Variants in NSUN5 observed in about 807,000 individuals in gnomAD.
NSUN5 encodes NOP2/Sun RNA methyltransferase 5.
Under a neutral mutation model 51.1 loss-of-function variants are expected in NSUN5, and 39 were observed. That is an observed-to-expected ratio of 0.76 (90% CI 0.59 to 1.00). NSUN5 has a LOEUF of 1.00. NSUN5 is among the 50% of genes least tolerant of loss of function. The pLI is 0.00. For synonymous variants in NSUN5, 266 were observed against 271.5 expected, an observed-to-expected ratio of 0.98 and a Z score of 0.20; for missense variants, 526 against 614.0, an observed-to-expected ratio of 0.86 and a Z score of 1.51.
At chr7:73,308,065 G>A in intron 2 of NSUN5, 1 of 463,294 alleles carries the variant, frequency 2.2e-6, no homozygotes, top group South Asian at 3.3e-5. Flanking sequence ...ATGGGGTCTA[G>A]CTCTGTCGCC....
intron 4 of NSUN5, among the ~76,000 whole-genome samples, chr7:73,306,822 A>G (rs1804059122): frequency 6.6e-6 from 1 of 152,130 alleles, no homozygotes. Flanking sequence ...CAGTGAGCCA[A>G]GATCATGCCA....
rs182950408 is a variant in NSUN5 at position 73,304,070 on chromosome 7, A to G, written c.935-34T>C. 5.6e-6 allele frequency: 9 copies of G among 1,607,370 alleles called. No individual in the cohort carries two copies. The East Asian group carries it at 1.6e-4, about 28-fold the overall frequency. Reference sequence around the variant, plus strand: ...AAGAGTGTCTCTGTTACATAGCTTCACAGGCTACCTCAGTCCTGAAATCCT... The same window carrying G: ...AAGAGTGTCTCTGTTACATAGCTTCGCAGGCTACCTCAGTCCTGAAATCCT... On this transcript the variant is annotated intron_variant, in intron 7 of 9. Coordinates refer to ENST00000438747, the MANE Select transcript of NSUN5 (RefSeq NM_148956.4).
Position 73,303,376 on chromosome 7 carries a change from T to C in NSUN5, c.*39A>G, listed in dbSNP as rs1803878545. 1.9e-6 allele frequency: 3 copies of C among 1,613,942 alleles called. No homozygotes were observed. The highest frequency in any genetic ancestry group is 2.5e-6 in the Non-Finnish European group (3 of 1,179,928). On this transcript the variant is annotated 3_prime_UTR_variant, in exon 10 of 10. Transcript: ENST00000438747. The stretch of plus-strand genomic sequence containing the variant: ...GTCCTCCACGGAGAGGACAGGCATC[T>C]TCCTTTCCCACCAGGAAGGAGTCAG...
Position 73,303,517 on chromosome 7 carries a change from C to T in NSUN5, c.1299G>A (p.Gln433=), listed in dbSNP as rs781857820. ...ERVEVPSSAS[Q]AKASAPERTP... ...TGCGTTCTGGTGCTGATGCTTTGGCCTGTGAGGCTGAGCTAGAGAAGTGTA... is the reference window on the plus strand; with the variant it reads ...TGCGTTCTGGTGCTGATGCTTTGGCTTGTGAGGCTGAGCTAGAGAAGTGTA... Residue 433 remains glutamine (Q), a synonymous_variant, in exon 10 of 10, where the codon CAG becomes CAA. Coordinates refer to ENST00000438747, the MANE Select transcript of NSUN5 (RefSeq NM_148956.4). 2.5e-6 allele frequency: 4 copies of T among 1,614,198 alleles called. No individual in the cohort carries two copies. Among genetic ancestry groups the T allele is most frequent in the South Asian group, 2.2e-5 (2 of 91,080 alleles).
rs782698448 is a variant in NSUN5 at position 73,308,722 on chromosome 7, C to A, written c.69G>T (p.Gly23=). The A allele has an allele frequency of 6.2e-7, 1 of 1,611,754 alleles. No individual in the cohort carries two copies. The highest frequency in any genetic ancestry group is 1.7e-5 in the Admixed American group (1 of 59,996). ...CCTGGAAGTTGCTGGAGTACACCAACCCCTTGATAGAGCCCTGGCGGCTCT... is the reference window on the plus strand; with the variant it reads ...CCTGGAAGTTGCTGGAGTACACCAAACCCTTGATAGAGCCCTGGCGGCTCT... ...GVESRQGSIK[G]LVYSSNFQNV... Residue 23 remains glycine (G), a synonymous_variant, in exon 1 of 10, where the codon GGG becomes GGT. Coordinates refer to ENST00000438747, the MANE Select transcript of NSUN5 (RefSeq NM_148956.4).
intron 4 of NSUN5, among the ~76,000 whole-genome samples, chr7:73,306,385 C>CA (rs36038371): frequency 0.016 from 406 of 26,050 alleles, 96 homozygotes; most frequent in African/African-American, 0.051. Flanking sequence ...ACCCTTGTCT[C>CA]AAAAAAAAAA....
intron 4 of NSUN5, among the ~76,000 whole-genome samples, chr7:73,305,802 T>C (rs1202290957): frequency 6.6e-6 from 1 of 152,144 alleles, no homozygotes; most frequent in Non-Finnish European, 1.5e-5. Flanking sequence ...TCTGTCAAAG[T>C]GGCAGAGCTG....
intron 2 of NSUN5, 167 bp downstream of exon 2, chr7:73,308,258 CAAAGTT>C (rs1247945270): frequency 5.4e-5 from 45 of 836,978 alleles, no homozygotes; most frequent in Middle Eastern, 4.0e-4. Context: ...TCAAAACACT[CAAAGTT>C]AAAGCATTTT....
chr7:73,306,260 T>C (rs546064084), intron 4 of NSUN5, among the ~76,000 whole-genome samples: 1 of 151,714 alleles, frequency 6.6e-6, no homozygotes, highest in Non-Finnish European at 1.5e-5. Context: ...GCTGCATCCC[T>C]GTAATCCCAG....
Position 73,307,518 on chromosome 7 carries a change from T to C in NSUN5, c.392-16A>G, listed in dbSNP as rs3765186. 2,097 of 1,613,948 alleles carry C rather than the reference T, an allele frequency of 1.3e-3. 19 individuals carry two copies. Among genetic ancestry groups the C allele is most frequent in the East Asian group, 0.013 (565 of 44,870 alleles). On this transcript the variant is annotated splice_polypyrimidine_tract_variant and intron_variant, in intron 3 of 9. Coordinates refer to ENST00000438747, the MANE Select transcript of NSUN5 (RefSeq NM_148956.4). ...AGCTGGGAGGCTACGTAGGACGCAA[T>C]GAGCAGTGAGTAGGCAGGAGCAAAG... is the stretch of plus-strand genomic sequence containing the variant.
At chr7:73,308,590 C>T (rs1554542326) in intron 1 of NSUN5, 37 bp from the exon 2 acceptor site, 5 of 1,588,934 alleles carry the variant, frequency 3.1e-6, no homozygotes, top group Non-Finnish European at 4.3e-6. Flanking sequence ...GTGGGGGCTC[C>T]CCCGGCCCTC....
intron 4 of NSUN5, among the ~76,000 whole-genome samples, chr7:73,306,216 C>T (rs1804032989): frequency 6.6e-6 from 1 of 151,464 alleles, no homozygotes; most frequent in South Asian, 2.1e-4. Flanking sequence ...GAAACCCCGT[C>T]TCTACTAAAA....
At chr7:73,308,583 G>A (rs781957758) in intron 1 of NSUN5, 30 bp from the exon 2 acceptor site, 5 of 1,592,148 alleles carry the variant, frequency 3.1e-6, no homozygotes, top group Non-Finnish European at 4.3e-6. Flanking sequence ...AAGCTGGGTG[G>A]GGGCTCCCCC....
At chr7:73,304,057 G>C (rs367945643) in intron 7 of NSUN5, 21 bp from the exon 8 acceptor site, 27 of 1,611,350 alleles carry the variant, frequency 1.7e-5, no homozygotes, top group Non-Finnish European at 2.2e-5. Flanking sequence ...GAGTGTCTCT[G>C]TTACATAGCT....
chr7:73,304,929 A>G (rs781939970), intron 5 of NSUN5, 30 bp downstream of exon 5: 2 of 1,612,202 alleles, frequency 1.2e-6, no homozygotes, highest in Non-Finnish European at 1.7e-6. Flanking sequence ...GTGCCTACAC[A>G]TTCTTCCCTT....
At chr7:73,303,566 C>A (rs1803889428) in intron 9 of NSUN5, 34 bp downstream of exon 9, 2 of 1,613,856 alleles carry the variant, frequency 1.2e-6, no homozygotes, top group Non-Finnish European at 1.7e-6. Flanking sequence ...CCGGTGCCAT[C>A]CTGCGCCTCC....
intron 4 of NSUN5, 130 bp downstream of exon 4, chr7:73,307,264 G>A (rs367989937): frequency 5.9e-5 from 39 of 666,508 alleles, no homozygotes; most frequent in Middle Eastern, 6.3e-4. Context: ...GACAAACCTT[G>A]GAGATGGATA....
At position 73,308,777 on chromosome 7, in the gene NSUN5, G is replaced by A. The variant is rs1441572048; in HGVS notation, c.14C>T (p.Ala5Val). Reference sequence around the variant, plus strand: ...GCCGGCCAACACGCCTGCAGCTGCAGCATACAGCCCCATGTTCCCGCGCGC... The same window carrying A: ...GCCGGCCAACACGCCTGCAGCTGCAACATACAGCCCCATGTTCCCGCGCGC... Reference protein sequence around the residue: MGLYAAAAGVLAGVE... With the variant: MGLYVAAAGVLAGVE... Residue 5 changes from alanine to valine, a missense_variant, in exon 1 of 10, where the codon GCT becomes GTT. By Grantham distance (64) the Ala-to-Val change is moderately conservative. Coordinates refer to ENST00000438747, the MANE Select transcript of NSUN5 (RefSeq NM_148956.4). 1.2e-6 allele frequency: 2 copies of A among 1,613,056 alleles called. No individual in the cohort carries two copies. The highest frequency in any genetic ancestry group is 1.7e-6 in the Non-Finnish European group (2 of 1,179,862).
At position 73,304,751 on chromosome 7, in the gene NSUN5, G is replaced by C; in HGVS notation, c.751C>G (p.Gln251Glu). The C allele has an allele frequency of 6.2e-7, 1 of 1,606,852 alleles. No homozygotes were observed. Among genetic ancestry groups the C allele is most frequent in the Non-Finnish European group, 8.5e-7 (1 of 1,173,526 alleles). Residue 251 changes from glutamine (Q) to glutamate (E), a missense_variant, in exon 6 of 10, where the codon CAA becomes GAA. Gln to Glu is a conservative substitution (Grantham distance 29). Coordinates refer to ENST00000438747, the MANE Select transcript of NSUN5 (RefSeq NM_148956.4). ...TSHLAALLKN[Q>E]GKIFAFDLDA... ...TCCTCCTCCTGTGGCACTCACCCTTGGTTCTTCAGAAGAGCAGCCAAGTGA... is the reference window on the plus strand; with the variant it reads ...TCCTCCTCCTGTGGCACTCACCCTTCGTTCTTCAGAAGAGCAGCCAAGTGA...
Sources: gnomAD v4.1 joint callset for allele counts (sites outside exome capture counted in the v4.1 genomes callset) on GRCh38, gnomAD v4.1.1 for gene constraint, MANE v1.5 for transcripts, NCBI Gene and HGNC (gene_info 2026-07-23, HGNC 2026-07-21) for gene names.